GOSR1: variants seen among roughly 807,000 people sequenced by gnomAD.
The protein encoded by GOSR1 is 28 kDa Golgi SNARE protein.
Under a neutral mutation model 35.5 loss-of-function variants are expected in GOSR1, and 21 were observed. The observed-to-expected ratio is 0.59, with a 90% CI of 0.42 to 0.85. The LOEUF is 0.85. GOSR1 is among the 40% of genes least tolerant of loss of function. The probability of loss-of-function intolerance (pLI) is 0.00; values close to 1 mark genes in which losing one functional copy is unlikely to be tolerated. For synonymous variants in GOSR1, 94 were observed against 106.6 expected (o/e 0.88, Z 0.73); for missense variants, 285 against 309.6 (o/e 0.92, Z 0.60).
Position 30,493,891 on chromosome 17 carries a change from A to G in GOSR1, c.509+1138A>G, listed in dbSNP as rs147040809. Among the ~76,000 whole-genome samples the G allele has an allele frequency of 3.3e-4, 50 of 152,192 alleles. No individual in the cohort carries two copies. The South Asian group carries it at 6.2e-3, about 19-fold the overall frequency. ...TTTTGGGTTATGTTCTGTTTTTACTATTATACACAGTAAAGCCTTTGTGTG... is the reference window on the plus strand; with the variant it reads ...TTTTGGGTTATGTTCTGTTTTTACTGTTATACACAGTAAAGCCTTTGTGTG... On this transcript the variant is annotated intron_variant, in intron 6 of 8. Coordinates refer to ENST00000451249, the MANE Select transcript of GOSR1 (RefSeq NM_001007025.2).
intron 6 of GOSR1, among the ~76,000 whole-genome samples, chr17:30,502,494 A>AT (rs1246067161): frequency 1.3e-5 from 2 of 152,174 alleles, no homozygotes; most frequent in Admixed American, 6.5e-5. Context: ...AATTCTATTC[A>AT]TTTTTTAAAA....
At chr17:30,501,745 T>A (rs1858647618) in intron 6 of GOSR1, among the ~76,000 whole-genome samples, 1 of 152,104 alleles carries the variant, frequency 6.6e-6, no homozygotes, top group Non-Finnish European at 1.5e-5. Flanking sequence ...CCACCCGCCT[T>A]GGCCTCCCAA....
intron 6 of GOSR1, among the ~76,000 whole-genome samples, chr17:30,510,019 G>C (rs1967555868): frequency 6.6e-6 from 1 of 152,128 alleles, no homozygotes; most frequent in South Asian, 2.1e-4. Flanking sequence ...TAATTGTCAG[G>C]TATCTCTGTG....
chr17:30,500,881 CT>C (rs34673687), intron 6 of GOSR1, among the ~76,000 whole-genome samples: 3,118 of 139,422 alleles, frequency 0.022, 64 homozygotes, highest in African/African-American at 0.066. Flanking sequence ...ACAAAGAACT[CT>C]TTTTTTTTTT....
chr17:30,503,381 G>A (rs956643548), intron 6 of GOSR1, among the ~76,000 whole-genome samples: 1 of 152,066 alleles, frequency 6.6e-6, no homozygotes, highest in African/African-American at 2.4e-5. Context: ...AGTTTAAATT[G>A]GTCTTGAGAC....
intron 2 of GOSR1, among the ~76,000 whole-genome samples, chr17:30,481,696 C>T (rs188086776): frequency 2.2e-3 from 341 of 152,154 alleles, no homozygotes; most frequent in Non-Finnish European, 4.1e-3. Flanking sequence ...CACTGTGTAT[C>T]CTTGTTATTA....
chr17:30,491,785 A>C (rs924843686), intron 5 of GOSR1, among the ~76,000 whole-genome samples: 11 of 152,236 alleles, frequency 7.2e-5, no homozygotes, highest in Non-Finnish European at 1.3e-4. Flanking sequence ...GCCTCATAGC[A>C]ATCTTTTGGT....
intron 5 of GOSR1, among the ~76,000 whole-genome samples, chr17:30,491,919 G>A (rs1056329924): frequency 5.3e-5 from 8 of 152,096 alleles, no homozygotes; most frequent in Admixed American, 5.2e-4. Flanking sequence ...TGAGTCCAAT[G>A]TGTTCTTGGT....
intron 5 of GOSR1, among the ~76,000 whole-genome samples, chr17:30,491,341 G>C (rs754479486): frequency 2.4e-4 from 37 of 152,130 alleles, no homozygotes; most frequent in Non-Finnish European, 4.6e-4. Context: ...TATCAACTCT[G>C]AGTTAGTCAC....
At chr17:30,491,552 G>A (rs1358765983) in intron 5 of GOSR1, among the ~76,000 whole-genome samples, 6 of 152,092 alleles carry the variant, frequency 3.9e-5, no homozygotes, top group African/African-American at 1.2e-4. Context: ...CCAGCCACTC[G>A]GGAGGCTGAG....
chr17:30,516,962 G>A (rs1337060148), intron 7 of GOSR1, among the ~76,000 whole-genome samples: 1 of 152,188 alleles, frequency 6.6e-6, no homozygotes, highest in Non-Finnish European at 1.5e-5. Flanking sequence ...TGATCCACCT[G>A]CCTTGGCTTC....
rs147964538 is a variant in GOSR1, at chr17:30,525,446, G to C, written c.*3068G>C. ...TTGTGAACCTTAAATGATCAGAGAAGTAAGTTCATTGATTAAATTCTCTGT... is the reference window on the plus strand; with the variant it reads ...TTGTGAACCTTAAATGATCAGAGAACTAAGTTCATTGATTAAATTCTCTGT... On this transcript the variant is annotated 3_prime_UTR_variant, in exon 9 of 9. Coordinates refer to ENST00000451249, the MANE Select transcript of GOSR1 (RefSeq NM_001007025.2). 5.3e-5 allele frequency: 8 copies of C among 152,304 alleles called. No homozygotes were observed. The East Asian group carries it at 1.5e-3, about 29-fold the overall frequency. 9.4% of individuals were successfully genotyped at this position (152,304 alleles called of 1,614,324 possible). A position where few individuals can be genotyped will look rare whatever the true frequency, so the allele number is the denominator to read the frequency against.
At chr17:30,501,511 T>G (rs1967205118) in intron 6 of GOSR1, among the ~76,000 whole-genome samples, 1 of 151,914 alleles carries the variant, frequency 6.6e-6, no homozygotes, top group Admixed American at 6.6e-5. Flanking sequence ...TTTTTTTTTT[T>G]TCCGAGACAG....
chr17:30,484,551 TTTTG>T, intron 3 of GOSR1, 108 bp from the exon 4 acceptor site: 1 of 641,856 alleles, frequency 1.6e-6, no homozygotes, highest in Non-Finnish European at 2.8e-6. Context: ...TTTTGTTTTG[TTTTG>T]TTTTGTTTTG....
At chr17:30,478,175 C>T (rs1914077591) in intron 1 of GOSR1, among the ~76,000 whole-genome samples, 1 of 152,164 alleles carries the variant, frequency 6.6e-6, no homozygotes, top group Non-Finnish European at 1.5e-5. Context: ...TTGTTTAATT[C>T]CTGAAACTAT....
intron 6 of GOSR1, among the ~76,000 whole-genome samples, chr17:30,498,935 CTT>C (rs1967099633): frequency 6.6e-6 from 1 of 152,178 alleles, no homozygotes; most frequent in Non-Finnish European, 1.5e-5. Flanking sequence ...TATATAGACT[CTT>C]TTAACCGCCA....
intron 6 of GOSR1, among the ~76,000 whole-genome samples, chr17:30,502,818 C>CTTT (rs1967262007): frequency 6.6e-6 from 1 of 152,214 alleles, no homozygotes; most frequent in Admixed American, 6.5e-5. Flanking sequence ...GCTCTTAGCA[C>CTTT]TAAAACAGTA....
chr17:30,501,656 C>T (rs1002354654), intron 6 of GOSR1, among the ~76,000 whole-genome samples: 17 of 152,182 alleles, frequency 1.1e-4, no homozygotes, highest in East Asian at 3.9e-4. Flanking sequence ...CCACCACACC[C>T]GGCTAATTTT....
intron 4 of GOSR1, among the ~76,000 whole-genome samples, chr17:30,489,597 A>G (rs1280500565): frequency 6.6e-6 from 1 of 152,186 alleles, no homozygotes; most frequent in African/African-American, 2.4e-5. Context: ...TTCTTTATCT[A>G]CATCTCTGAA....
Sources: gnomAD v4.1 joint callset for allele counts (sites outside exome capture counted in the v4.1 genomes callset) on GRCh38, gnomAD v4.1.1 for gene constraint, MANE v1.5 for transcripts, NCBI Gene and HGNC (gene_info 2026-07-23, HGNC 2026-07-21) for gene names.